The following NLGN1 variants were observed in gnomAD, a reference collection of about 807,000 sequenced individuals.
The protein encoded by NLGN1 is neuroligin 1, also known as neuroligin-1.
NLGN1 carries 12 observed loss-of-function variants against 65.5 expected under a neutral mutation model. That is an observed-to-expected ratio of 0.18 (90% CI 0.12 to 0.30). The LOEUF (loss-of-function observed/expected upper bound fraction) is 0.30. NLGN1 is among the 10% of genes least tolerant of loss of function. NLGN1 has a pLI of 1.00. For synonymous variants in NLGN1, 350 were observed against 359.5 expected, an observed-to-expected ratio of 0.97 and a Z score of 0.30; for missense variants, 750 against 1,007.1, an observed-to-expected ratio of 0.74 and a Z score of 3.46.
chr3:174,190,791 T>C (rs1732252900), intron 4 of NLGN1, among the ~76,000 whole-genome samples: 1 of 152,084 alleles, frequency 6.6e-6, no homozygotes, highest in African/African-American at 2.4e-5. Flanking sequence ...ACCTACATAC[T>C]TCTAGAACTT....
At chr3:174,283,039 T>C (rs1751720513) in exon 7 of NLGN1, 1 of 151,934 alleles carries the variant, frequency 6.6e-6, no homozygotes, top group Non-Finnish European at 1.5e-5. Context: ...ATCTGGATAA[T>C]GACTATTAGT....
intron 2 of NLGN1, among the ~76,000 whole-genome samples, chr3:173,469,091 C>A (rs1255602568): frequency 6.6e-6 from 1 of 152,084 alleles, no homozygotes; most frequent in Non-Finnish European, 1.5e-5. Flanking sequence ...AAACTGTTAT[C>A]AATACTTAAA....
chr3:173,780,861 G>C lies in NLGN1; in HGVS notation c.494-26819G>C, dbSNP rs142929246. 4.2e-4 allele frequency among the ~76,000 whole-genome samples: 64 copies of C among 152,104 alleles called. No homozygotes were observed. In the Middle Eastern group the frequency reaches 0.017, roughly 40 times the overall value. On this transcript the variant is annotated intron_variant, in intron 3 of 6. Coordinates refer to ENST00000457714, the Ensembl canonical transcript of NLGN1. Reference sequence around the variant, plus strand: ...ATGGTTTTTGAAAACGTAAATATTGGCCGGGCACAGTGGTTCATGCCTGTA... The same window carrying C: ...ATGGTTTTTGAAAACGTAAATATTGCCCGGGCACAGTGGTTCATGCCTGTA...
chr3:173,508,918 C>G (rs571500993), intron 2 of NLGN1, among the ~76,000 whole-genome samples: 2 of 152,256 alleles, frequency 1.3e-5, no homozygotes, highest in South Asian at 2.1e-4. Flanking sequence ...CTCCACTGCT[C>G]CAGCTCAACC....
At chr3:174,268,298 G>A (rs1748672451) in intron 4 of NLGN1, among the ~76,000 whole-genome samples, 1 of 152,116 alleles carries the variant, frequency 6.6e-6, no homozygotes, top group Admixed American at 6.6e-5. Context: ...TTGAATACCA[G>A]GTTTGTTGTC....
At chr3:174,228,659 T>C (rs1229183716) in intron 4 of NLGN1, among the ~76,000 whole-genome samples, 2 of 152,088 alleles carry the variant, frequency 1.3e-5, no homozygotes, top group African/African-American at 4.8e-5. Flanking sequence ...TTTATCTAAG[T>C]TGGGTGAAAA....
intron 4 of NLGN1, among the ~76,000 whole-genome samples, chr3:174,045,178 C>T (rs893778137): frequency 2.0e-5 from 3 of 152,178 alleles, no homozygotes; most frequent in South Asian, 2.1e-4. Flanking sequence ...TGTGTTAATC[C>T]GTTTTCATGC....
At chr3:173,930,273 T>A (rs1223517143) in intron 4 of NLGN1, among the ~76,000 whole-genome samples, 1 of 152,220 alleles carries the variant, frequency 6.6e-6, no homozygotes, top group African/African-American at 2.4e-5. Context: ...ATTATTGTTA[T>A]TTATTATTTT....
chr3:173,535,063 A>G (rs1346037906), intron 2 of NLGN1, among the ~76,000 whole-genome samples: 1 of 152,202 alleles, frequency 6.6e-6, no homozygotes, highest in African/African-American at 2.4e-5. Flanking sequence ...CCCGTTTCAA[A>G]AACACATACA....
At position 173,899,687 on chromosome 3, in the gene NLGN1, G is replaced by A. The variant is rs74676535; in HGVS notation, c.646+91855G>A. Reference sequence around the variant, plus strand: ...AACACAGTTTCACCCATTCTTTTACGTGTCATCTATGCTGCCTTCAGGCCA... The same window carrying A: ...AACACAGTTTCACCCATTCTTTTACATGTCATCTATGCTGCCTTCAGGCCA... On this transcript the variant is annotated intron_variant, in intron 4 of 6. Coordinates refer to ENST00000457714, the Ensembl canonical transcript of NLGN1. 7.4e-3 allele frequency among the ~76,000 whole-genome samples: 1,118 copies of A among 152,104 alleles called. 21 individuals carry two copies. The highest frequency in any genetic ancestry group is 0.026 in the African/African-American group (1,065 of 41,526).
intron 3 of NLGN1, among the ~76,000 whole-genome samples, chr3:173,744,431 TAAAG>T (rs998863428): frequency 4.6e-5 from 7 of 152,012 alleles, no homozygotes; most frequent in Non-Finnish European, 8.8e-5. Context: ...AAAACTATGA[TAAAG>T]AAACAATCAA....
intron 4 of NLGN1, among the ~76,000 whole-genome samples, chr3:173,967,450 C>T (rs1298000353): frequency 3.3e-5 from 5 of 152,144 alleles, no homozygotes; most frequent in Non-Finnish European, 5.9e-5. Flanking sequence ...GATTTGAACA[C>T]AACTAATATT....
chr3:173,614,332 C>T (rs140788648), intron 3 of NLGN1, among the ~76,000 whole-genome samples: 2,110 of 151,980 alleles, frequency 0.014, 20 homozygotes, highest in South Asian at 0.031. Flanking sequence ...AAGAGGGATC[C>T]CTGGTTAAAA....
intron 3 of NLGN1, among the ~76,000 whole-genome samples, chr3:173,732,357 A>G (rs1772990549): frequency 6.6e-6 from 1 of 152,186 alleles, no homozygotes; most frequent in South Asian, 2.1e-4. Context: ...CGTTTTAAAC[A>G]AACACTGTGA....
chr3:173,952,292 C>T (rs964758173), intron 4 of NLGN1, among the ~76,000 whole-genome samples: 12 of 152,144 alleles, frequency 7.9e-5, no homozygotes, highest in African/African-American at 2.9e-4. Flanking sequence ...TCTCCGGAGT[C>T]ACTGAGATGA....
At chr3:173,643,877 T>A (rs370554991) in intron 3 of NLGN1, among the ~76,000 whole-genome samples, 1 of 152,132 alleles carries the variant, frequency 6.6e-6, no homozygotes, top group Non-Finnish European at 1.5e-5. Flanking sequence ...TACAGGTGTG[T>A]GCCACCACAC....
At chr3:174,068,205 A>G (rs1404298002) in intron 4 of NLGN1, among the ~76,000 whole-genome samples, 1 of 151,842 alleles carries the variant, frequency 6.6e-6, no homozygotes, top group Non-Finnish European at 1.5e-5. Flanking sequence ...CTGCCTAGGT[A>G]CTCTGGGGCT....
At chr3:174,117,950 A>G (rs1305021838) in intron 4 of NLGN1, among the ~76,000 whole-genome samples, 1 of 152,196 alleles carries the variant, frequency 6.6e-6, no homozygotes. Context: ...GGCTTCAAAG[A>G]GAACAAAGAA....
chr3:173,544,259 C>CGTGTGTGTGTGTGT lies in NLGN1; in HGVS notation c.-320-60000_-320-59987dup, dbSNP rs3980148. 5.5e-3 allele frequency among the ~76,000 whole-genome samples: 797 copies of CGTGTGTGTGTGTGT among 144,188 alleles called. 9 individuals are homozygous for CGTGTGTGTGTGTGT. The highest frequency in any genetic ancestry group is 0.02 in the African/African-American group (754 of 38,294). The allele number at this position is 144,188 out of a possible 152,430, so 94.6% of individuals were successfully genotyped here. On this transcript the variant is annotated intron_variant, in intron 2 of 6. Coordinates refer to ENST00000457714, the Ensembl canonical transcript of NLGN1. ...GTAGTAAAGTACCAAGATTATATTA[C>CGTGTGTGTGTGTGT]GTGTGTGTGTGTGTGTGTGTGTGTG... is the stretch of plus-strand genomic sequence containing the variant.
Sources: gnomAD v4.1 joint callset for allele counts (sites outside exome capture counted in the v4.1 genomes callset) on GRCh38, gnomAD v4.1.1 for gene constraint, MANE v1.5 for transcripts, NCBI Gene and HGNC (gene_info 2026-07-23, HGNC 2026-07-21) for gene names.